The following JCAD variants were observed in gnomAD, a reference collection of about 807,000 sequenced individuals.
JCAD encodes the protein junctional cadherin 5 associated.
In JCAD, 40 loss-of-function variants were observed where a neutral mutation model predicts 98.0. The ratio of observed to expected loss-of-function variants is 0.41; its 90% CI spans 0.32 to 0.53. The LOEUF (loss-of-function observed/expected upper bound fraction) is 0.53. Ranked by LOEUF, JCAD falls within the 20% of genes least tolerant of loss-of-function variation. The pLI is 0.31. For missense variants in JCAD, 1,705 were observed against 1,738.1 expected (o/e 0.98, Z 0.34); for synonymous variants, 691 against 682.3 (o/e 1.01, Z -0.20).
At chr10:30,056,825 G>T (rs780999011) in intron 1 of JCAD, among the ~76,000 whole-genome samples, 5 of 152,062 alleles carry the variant, frequency 3.3e-5, no homozygotes, top group Non-Finnish European at 7.3e-5. Flanking sequence ...AGTATCTGGG[G>T]GAGGGGTTCC....
At chr10:30,080,166 C>A (rs1838057952) in intron 1 of JCAD, among the ~76,000 whole-genome samples, 1 of 152,146 alleles carries the variant, frequency 6.6e-6, no homozygotes, top group South Asian at 2.1e-4. Context: ...AGTTCCTTTT[C>A]CCTTTTGGAA....
At chr10:30,095,299 TGATA>T (rs1263291751) in intron 1 of JCAD, among the ~76,000 whole-genome samples, 1 of 152,262 alleles carries the variant, frequency 6.6e-6, no homozygotes, top group Non-Finnish European at 1.5e-5. Flanking sequence ...TCAGTTTTGT[TGATA>T]GATATTTACT....
chr10:30,101,252 C>G (rs975167179), intron 1 of JCAD, among the ~76,000 whole-genome samples: 1 of 151,974 alleles, frequency 6.6e-6, no homozygotes, highest in Non-Finnish European at 1.5e-5. Flanking sequence ...ACTAAAAATA[C>G]AAAAAATATA....
intron 1 of JCAD, among the ~76,000 whole-genome samples, chr10:30,089,661 C>T (rs913316114): frequency 6.6e-6 from 1 of 152,006 alleles, no homozygotes; most frequent in African/African-American, 2.4e-5. Context: ...TCATAGAATA[C>T]AGGGTTACCA....
rs1836547465 is a variant in JCAD, at chr10:30,016,940, G to C, written c.*943C>G. 6.6e-6 allele frequency: 1 copy of C among 152,198 alleles called. No homozygotes were observed. The highest frequency in any genetic ancestry group is 1.5e-5 in the Non-Finnish European group (1 of 68,028). 9.4% of individuals were successfully genotyped at this position (152,198 alleles called of 1,614,324 possible). On this transcript the variant is annotated 3_prime_UTR_variant, in exon 4 of 4. Coordinates refer to ENST00000375377, the MANE Select transcript of JCAD (RefSeq NM_020848.4). ...CAGAGTTGTCAGTGGGTAAGGGACA[G>C]AGCTTTAAAGCAAAAGTGAACCCTC...
intron 2 of JCAD, among the ~76,000 whole-genome samples, chr10:30,031,733 C>T (rs1209080327): frequency 2.7e-5 from 4 of 147,650 alleles, no homozygotes; most frequent in African/African-American, 5.0e-5. Context: ...TGAGCCACTG[C>T]GCCCAGCCCC....
rs117621940 is a variant in JCAD at position 30,070,624 on chromosome 10, G to T, written n.129-803C>A. On this transcript the variant is annotated intron_variant and non_coding_transcript_variant, in intron 1 of 2. Transcript: ENST00000465712. ...TGTTGAAACCACCAAATACCTGGAG[G>T]TTACTGTAACTAACTGGTCACAGAT... Among the ~76,000 whole-genome samples the T allele has an allele frequency of 1.8e-4, 28 of 152,282 alleles. No homozygotes were observed. The East Asian group carries it at 3.3e-3, about 18-fold the overall frequency.
rs764767554 is a variant in JCAD at position 30,026,178 on chromosome 10, T to C, written c.3970A>G (p.Ser1324Gly). ...LGHSLSVSKD[S>G]ISREEKEHPA... is the part of the protein sequence containing the mutation. ...TGCTCCTTCTCTTCCCTGGAGATGCTGTCCTTGGACACAGAGAGTGAGTGG... is the reference window on the plus strand; with the variant it reads ...TGCTCCTTCTCTTCCCTGGAGATGCCGTCCTTGGACACAGAGAGTGAGTGG... The change falls in exon 3 of 4, where the codon AGC becomes GGC. Residue 1324 changes from serine (S) to glycine (G), a missense_variant. Around this residue, in one of 3 missense-constraint regions of JCAD, gnomAD observed 1,278 missense variants for 1,243.1 expected, o/e 1.03. Coordinates refer to ENST00000375377, the MANE Select transcript of JCAD (RefSeq NM_020848.4). 6.2e-7 allele frequency: 1 copy of C among 1,614,234 alleles called. No individual in the cohort carries two copies. The highest frequency in any genetic ancestry group is 1.1e-5 in the South Asian group (1 of 91,092).
At chr10:30,113,271 C>T (rs1327183586) in intron 1 of JCAD, among the ~76,000 whole-genome samples, 1 of 151,892 alleles carries the variant, frequency 6.6e-6, no homozygotes, top group Non-Finnish European at 1.5e-5. Flanking sequence ...CCTCCCAGAG[C>T]CGGGTGCAGT....
intron 1 of JCAD, among the ~76,000 whole-genome samples, chr10:30,110,964 T>A (rs1254226103): frequency 6.6e-6 from 1 of 152,178 alleles, no homozygotes; most frequent in African/African-American, 2.4e-5. Context: ...GACCCCCTGA[T>A]GTATGGACCA....
At chr10:30,053,834 G>T (rs1337290339) in intron 1 of JCAD, among the ~76,000 whole-genome samples, 1 of 151,906 alleles carries the variant, frequency 6.6e-6, no homozygotes, top group Non-Finnish European at 1.5e-5. Context: ...AGGCTGAGGT[G>T]GGCAGACCAC....
chr10:30,094,984 G>T (rs1838345542), intron 1 of JCAD, among the ~76,000 whole-genome samples: 1 of 152,176 alleles, frequency 6.6e-6, no homozygotes, highest in African/African-American at 2.4e-5. Flanking sequence ...GTCTGAGTAG[G>T]TTGTTGGACC....
intron 1 of JCAD, among the ~76,000 whole-genome samples, chr10:30,070,024 TTG>T (rs1837857849): frequency 1.3e-5 from 2 of 152,156 alleles, no homozygotes; most frequent in Non-Finnish European, 2.9e-5. Flanking sequence ...GGCATGCTAT[TTG>T]TGTGTTTTGT....
chr10:30,110,207 C>A (rs933958640), intron 1 of JCAD, among the ~76,000 whole-genome samples: 1 of 150,328 alleles, frequency 6.7e-6, no homozygotes, highest in Non-Finnish European at 1.5e-5. Context: ...ATGTATGGAC[C>A]ATTGATGTAT....
intron 2 of JCAD, among the ~76,000 whole-genome samples, chr10:30,030,940 G>A (rs558471170): frequency 2.0e-5 from 3 of 150,148 alleles, no homozygotes; most frequent in African/African-American, 7.5e-5. Context: ...GACTCTCCAA[G>A]TGTCCCCGGA....
intron 1 of JCAD, among the ~76,000 whole-genome samples, chr10:30,098,837 A>G (rs1227018064): frequency 6.6e-6 from 1 of 152,144 alleles, no homozygotes; most frequent in Non-Finnish European, 1.5e-5. Flanking sequence ...CACTTACTAC[A>G]TCGTCCCCCA....
chr10:30,067,560 T>G (rs1270416339), intron 2 of JCAD, among the ~76,000 whole-genome samples: 1 of 152,194 alleles, frequency 6.6e-6, no homozygotes, highest in African/African-American at 2.4e-5. Flanking sequence ...ACTCCTGACC[T>G]CAGGTTATCT....
intron 1 of JCAD, among the ~76,000 whole-genome samples, chr10:30,075,369 G>A (rs1426686169): frequency 6.6e-6 from 1 of 152,076 alleles, no homozygotes; most frequent in Admixed American, 6.6e-5. Flanking sequence ...GGTTTTTTAG[G>A]AACAACATGC....
At chr10:30,106,712 G>A (rs913897671) in intron 1 of JCAD, among the ~76,000 whole-genome samples, 1 of 152,146 alleles carries the variant, frequency 6.6e-6, no homozygotes, top group African/African-American at 2.4e-5. Context: ...TGTTGGCCAG[G>A]CTGGTCTTGA....
Sources: allele counts gnomAD v4.1 joint callset (sites outside exome capture counted in the v4.1 genomes callset), GRCh38; gene constraint gnomAD v4.1.1; regional missense constraint gnomAD v4.1.1; transcripts MANE v1.5; gene names NCBI Gene and HGNC (gene_info 2026-07-23, HGNC 2026-07-21).